Variants in MRC2 observed in about 807,000 individuals in gnomAD.
MRC2 encodes mannose receptor C-type 2, also known as C-type mannose receptor 2.
Under a neutral mutation model 206.2 loss-of-function variants are expected in MRC2, and 84 were observed. The observed-to-expected ratio is 0.41, with a 90% CI of 0.34 to 0.49. MRC2 has a LOEUF of 0.49. Ranked by LOEUF, MRC2 falls within the 20% of genes least tolerant of loss-of-function variation. The probability of loss-of-function intolerance (pLI) is 0.31; values close to 1 mark genes in which losing one functional copy is unlikely to be tolerated. For missense variants in MRC2, 1,676 were observed against 2,001.5 expected (o/e 0.84, Z 3.10); for synonymous variants, 798 against 800.0 (o/e 1.00, Z 0.04).
At position 62,684,867 on chromosome 17, in the gene MRC2, G is replaced by A. The variant is rs139757241; in HGVS notation, c.2946+2490G>A. 1.1e-3 allele frequency among the ~76,000 whole-genome samples: 170 copies of A among 152,290 alleles called. 1 individual carries two copies. The highest frequency in any genetic ancestry group is 3.9e-3 in the African/African-American group (161 of 41,562). On this transcript the variant is annotated intron_variant, in intron 20 of 29. Coordinates refer to ENST00000303375, the MANE Select transcript of MRC2 (RefSeq NM_006039.5). ...TCAAAAGAACATTACACGGCCAGGC[G>A]CTGTGGCTCATGCCTGTAATCCCAG...
chr17:62,653,225 G>A (rs534064484), intron 1 of MRC2, among the ~76,000 whole-genome samples: 6 of 152,188 alleles, frequency 3.9e-5, no homozygotes, highest in Non-Finnish European at 8.8e-5. Context: ...ATACTGTGAT[G>A]CTTTGGTCTA....
Position 62,676,399 on chromosome 17 carries a change from G to C in MRC2, c.1702G>C (p.Val568Leu). 6.2e-7 allele frequency: 1 copy of C among 1,614,054 alleles called. No individual in the cohort carries two copies. Among genetic ancestry groups the C allele is most frequent in the Non-Finnish European group, 8.5e-7 (1 of 1,179,986 alleles). ...CTCCTGAAGGTTCGAGCAGGCCTTC[G>C]TCAGCAGCCTCATCTACAACTGGGA... is the stretch of plus-strand genomic sequence containing the variant. ...TITNRFEQAF[V>L]SSLIYNWEGE... The change falls in exon 11 of 30, where the codon GTC (valine) becomes CTC (leucine). Residue 568 changes from valine to leucine, a missense_variant. By Grantham distance (32) the Val-to-Leu change is conservative. Transcript: ENST00000303375.
chr17:62,632,127 C>G (rs1437657628), intron 1 of MRC2, among the ~76,000 whole-genome samples: 1 of 152,060 alleles, frequency 6.6e-6, no homozygotes, highest in Admixed American at 6.6e-5. Context: ...CCCTGCAGAT[C>G]TGTCACTCTT....
At chr17:62,683,680 A>C (rs914390910) in intron 20 of MRC2, among the ~76,000 whole-genome samples, 1 of 151,686 alleles carries the variant, frequency 6.6e-6, no homozygotes, top group Non-Finnish European at 1.5e-5. Context: ...TCTGGACAAC[A>C]TGGAGAGACC....
chr17:62,674,397 C>T (rs549586472), intron 9 of MRC2, among the ~76,000 whole-genome samples: 5 of 152,204 alleles, frequency 3.3e-5, no homozygotes, highest in Admixed American at 2.0e-4. Context: ...CCAGCCCAGT[C>T]CTGAGTCCCT....
intron 1 of MRC2, among the ~76,000 whole-genome samples, chr17:62,640,017 C>CTT (rs56703312): frequency 0.078 from 5,784 of 74,358 alleles, 373 homozygotes; most frequent in Middle Eastern, 0.11. Context: ...CCATGCCCAG[C>CTT]TTTTTTTTTT....
chr17:62,634,374 C>T (rs1002446432), intron 1 of MRC2, among the ~76,000 whole-genome samples: 15 of 151,922 alleles, frequency 9.9e-5, no homozygotes, highest in Admixed American at 7.2e-4. Flanking sequence ...GGTCTTGGCT[C>T]ACTGCAACCT....
chr17:62,633,942 AC>A (rs1217378969), intron 1 of MRC2, among the ~76,000 whole-genome samples: 2 of 151,380 alleles, frequency 1.3e-5, no homozygotes, highest in South Asian at 4.2e-4. Context: ...GAGGGAACTC[AC>A]GCAAGAAAGA....
chr17:62,652,231 T>G lies in MRC2; in HGVS notation c.119-12317T>G, dbSNP rs981095969. On this transcript the variant is annotated intron_variant, in intron 1 of 29. Transcript: ENST00000303375. This position sits in a 1 kb window ranked among gnomAD's most constrained non-coding sequence, Gnocchi z 4.6. ...CACGCAGTCACTCACTGGTTCGTCC[T>G]CAATCAACCAGGCGTGGAGTCCTAA... 6.6e-6 allele frequency among the ~76,000 whole-genome samples: 1 copy of G among 150,646 alleles called. No individual in the cohort carries two copies. The highest frequency in any genetic ancestry group is 1.5e-5 in the Non-Finnish European group (1 of 68,040).
At position 62,680,718 on chromosome 17, in the gene MRC2, C is replaced by T. The variant is rs892992948; in HGVS notation, c.2474-82C>T. The T allele has an allele frequency of 2.1e-6, 3 of 1,399,906 alleles. No individual in the cohort carries two copies. The highest frequency in any genetic ancestry group is 1.5e-5 in the African/African-American group (1 of 66,548). The allele number at this position is 1,399,906 out of a possible 1,614,324, so 86.7% of individuals were successfully genotyped here. The stretch of plus-strand genomic sequence containing the variant: ...TCGCCTGCTGCCGCCTGGCTCTGCC[C>T]CGGCCCTGCCGCGCCCGCCTCCGGG... On this transcript the variant is annotated intron_variant, in intron 16 of 29. Coordinates refer to ENST00000303375, the MANE Select transcript of MRC2 (RefSeq NM_006039.5). The surrounding 1 kb of genome is among the most constrained non-coding windows in gnomAD (Gnocchi z 4.8).
In MRC2 at chr17:62,675,797, C is replaced by A. The variant is rs151074691; in HGVS notation, c.1577C>A (p.Thr526Lys). ...EEDHGCRKGW[T>K]WHSPSCYWLG... ...TGTCCACTCTTGAGCCAGGGTTGGA[C>A]GTGGCACAGCCCATCCTGCTACTGG... is the stretch of plus-strand genomic sequence containing the variant. The change falls in exon 10 of 30, where the codon ACG becomes AAG. Residue 526 changes from threonine (T) to lysine (K), a missense_variant. Thr to Lys is a moderately conservative substitution (Grantham distance 78). Coordinates refer to ENST00000303375, the MANE Select transcript of MRC2 (RefSeq NM_006039.5). This position sits in a 1 kb window ranked among gnomAD's most constrained non-coding sequence, Gnocchi z 4.1. The A allele has an allele frequency of 2.3e-5, 37 of 1,613,900 alleles. No individual in the cohort carries two copies. In the African/African-American group the frequency reaches 4.1e-4, roughly 18 times the overall value.
Position 62,680,531 on chromosome 17 carries a change from G to T in MRC2, c.2473+78G>T, listed in dbSNP as rs1160458193. 5.1e-6 allele frequency: 8 copies of T among 1,570,922 alleles called. No individual in the cohort carries two copies. In the African/African-American group the frequency reaches 1.1e-4, roughly 21 times the overall value. ...CTCTGGGGTAAGTCCCGAGAGGCCT[G>T]AATGAAATGGAGGGGATGAGGAGTT... is the stretch of plus-strand genomic sequence containing the variant. On this transcript the variant is annotated intron_variant, in intron 16 of 29. Transcript: ENST00000303375. This position sits in a 1 kb window ranked among gnomAD's most constrained non-coding sequence, Gnocchi z 4.8.
Position 62,689,335 on chromosome 17 carries a change from C to A in MRC2, c.3335-187C>A. ...AGGTCAAGGCCCTCACCTCCCTGTCCATTTGTTAGCAAACATGTATTATTA... is the reference window on the plus strand; with the variant it reads ...AGGTCAAGGCCCTCACCTCCCTGTCAATTTGTTAGCAAACATGTATTATTA... On this transcript the variant is annotated intron_variant, in intron 23 of 29. Coordinates refer to ENST00000303375, the MANE Select transcript of MRC2 (RefSeq NM_006039.5). 6.8e-6 allele frequency: 4 copies of A among 587,024 alleles called. No individual in the cohort carries two copies. In the South Asian group the frequency reaches 9.3e-5, roughly 14 times the overall value. 36.4% of individuals were successfully genotyped at this position (587,024 alleles called of 1,614,324 possible).
rs1329398572 is a variant in MRC2, at chr17:62,652,062, G to A, written c.119-12486G>A. Among the ~76,000 whole-genome samples, 1 of 152,118 alleles carries A rather than the reference G, an allele frequency of 6.6e-6. No homozygotes were observed. The highest frequency in any genetic ancestry group is 1.5e-5 in the Non-Finnish European group (1 of 68,030). On this transcript the variant is annotated intron_variant, in intron 1 of 29. Transcript: ENST00000303375. This position sits in a 1 kb window ranked among gnomAD's most constrained non-coding sequence, Gnocchi z 4.6. ...CCCAAAGATTTTCTTCATTTCTGCT[G>A]ACTCTTCAATGAACCAGAGGGGCAC...
chr17:62,645,055 C>T (rs190753701), intron 1 of MRC2, among the ~76,000 whole-genome samples: 1 of 152,258 alleles, frequency 6.6e-6, no homozygotes, highest in Admixed American at 6.5e-5. Context: ...AATGACAGTA[C>T]CTGGTACGTG....
rs2088770796 is a variant in MRC2, at chr17:62,667,359, C to T, written c.974-31C>T. Reference sequence around the variant, plus strand: ...GAGCCACGGTGTGAGCTTCTCTCTCCGGGGGTGCTGGCGCCCTGCCCTCCC... The same window carrying T: ...GAGCCACGGTGTGAGCTTCTCTCTCTGGGGGTGCTGGCGCCCTGCCCTCCC... On this transcript the variant is annotated intron_variant, in intron 5 of 29. Coordinates refer to ENST00000303375, the MANE Select transcript of MRC2 (RefSeq NM_006039.5). This position sits in a 1 kb window ranked among gnomAD's most constrained non-coding sequence, Gnocchi z 4.1. 1 of 1,569,032 alleles carries T rather than the reference C, an allele frequency of 6.4e-7. No individual in the cohort carries two copies. Among genetic ancestry groups the T allele is most frequent in the Non-Finnish European group, 8.6e-7 (1 of 1,158,842 alleles).
chr17:62,631,457 G>C (rs541480801), intron 1 of MRC2, among the ~76,000 whole-genome samples: 1 of 152,100 alleles, frequency 6.6e-6, no homozygotes, highest in Admixed American at 6.5e-5. Flanking sequence ...GAGTGGTTAC[G>C]GAGCCTGAAC....
intron 1 of MRC2, among the ~76,000 whole-genome samples, chr17:62,656,462 G>C (rs1413336587): frequency 6.6e-6 from 1 of 152,212 alleles, no homozygotes; most frequent in Non-Finnish European, 1.5e-5. Context: ...AAAGTGCAGG[G>C]ATTACAGGCA....
intron 12 of MRC2, among the ~76,000 whole-genome samples, chr17:62,677,990 C>T (rs1399121188): frequency 3.3e-5 from 5 of 152,196 alleles, no homozygotes; most frequent in African/African-American, 1.2e-4. Flanking sequence ...GCGGAGCTTG[C>T]AGTGAGCCGA....
Sources: gnomAD v4.1 joint callset for allele counts (sites outside exome capture counted in the v4.1 genomes callset) on GRCh38, gnomAD v4.1.1 for gene constraint, Gnocchi (gnomAD v3.1) non-coding constraint, MANE v1.5 for transcripts, NCBI Gene and HGNC (gene_info 2026-07-23, HGNC 2026-07-21) for gene names.